The following DST variants were observed in gnomAD, a reference collection of about 807,000 sequenced individuals.
The protein encoded by DST is bullous pemphigoid antigen.
In DST, 253 loss-of-function variants were observed where a neutral mutation model predicts 875.2. The observed-to-expected ratio is 0.29, with a 90% CI of 0.26 to 0.32. The LOEUF is 0.32. Ranked by LOEUF, DST falls within the 10% of genes least tolerant of loss-of-function variation. DST has a pLI of 1.00. For missense variants in DST, 8,287 were observed against 9,111.6 expected (o/e 0.91, Z 3.68); for synonymous variants, 3,124 against 3,197.1 (o/e 0.98, Z 0.77).
At chr6:56,655,786 G>A (rs1272954543) in intron 10 of DST, among the ~76,000 whole-genome samples, 3 of 152,076 alleles carry the variant, frequency 2.0e-5, no homozygotes, top group Non-Finnish European at 4.4e-5. Flanking sequence ...CAGCAGACTC[G>A]GTTCCACCAC....
At chr6:56,706,510 T>C (rs1441229317) in intron 5 of DST, among the ~76,000 whole-genome samples, 2 of 152,196 alleles carry the variant, frequency 1.3e-5, no homozygotes, top group Non-Finnish European at 2.9e-5. Flanking sequence ...ATGCATGATA[T>C]GTACGCGAAC....
chr6:56,865,759 T>C (rs1773704706), intron 3 of DST, among the ~76,000 whole-genome samples: 1 of 152,250 alleles, frequency 6.6e-6, no homozygotes, highest in Non-Finnish European at 1.5e-5. Context: ...AGGTAGAATA[T>C]AATCTTTGAT....
intron 4 of DST, among the ~76,000 whole-genome samples, chr6:56,787,528 G>A (rs1347289745): frequency 6.6e-6 from 1 of 152,158 alleles, no homozygotes; most frequent in Non-Finnish European, 1.5e-5. Flanking sequence ...AAGACAGGCT[G>A]CAATTCTCAC....
chr6:56,678,597 C>T (rs2099141964), intron 9 of DST, among the ~76,000 whole-genome samples: 1 of 151,950 alleles, frequency 6.6e-6, no homozygotes, highest in South Asian at 2.1e-4. Flanking sequence ...CTGTGGGAGA[C>T]CAGAAGATGC....
chr6:56,927,968 G>C (rs771026411), intron 2 of DST, among the ~76,000 whole-genome samples: 1 of 152,120 alleles, frequency 6.6e-6, no homozygotes, highest in Non-Finnish European at 1.5e-5. Flanking sequence ...GAGCTCAAAG[G>C]AAGGGCCCCA....
chr6:56,825,360 G>C (rs1452057754), intron 4 of DST, among the ~76,000 whole-genome samples: 1 of 149,310 alleles, frequency 6.7e-6, no homozygotes, highest in Non-Finnish European at 1.5e-5. Flanking sequence ...CACAAACACT[G>C]CAGAAGGCCG....
At chr6:56,810,263 C>T (rs1017645755) in intron 4 of DST, among the ~76,000 whole-genome samples, 2 of 152,134 alleles carry the variant, frequency 1.3e-5, no homozygotes, top group Non-Finnish European at 2.9e-5. Context: ...TGAGCTATGA[C>T]TGTGCCACTG....
In DST at chr6:56,477,476, T is replaced by C; in HGVS notation, c.21544A>G (p.Lys7182Glu). 1 of 1,613,996 alleles carries C rather than the reference T, an allele frequency of 6.2e-7. No individual in the cohort carries two copies. The highest frequency in any genetic ancestry group is 8.5e-7 in the Non-Finnish European group (1 of 1,179,872). The change falls in exon 91 of 104, where the codon AAA (lysine) becomes GAA (glutamate). Residue 7182 changes from lysine (K) to glutamate (E), a missense_variant. Coordinates refer to ENST00000680361, the MANE Select transcript of DST (RefSeq NM_001374736.1). ...LIDQHKEFMK[K>E]LEEKRAELNK... is the part of the protein sequence containing the mutation. ...AGTTCAGCTCTCTTTTCTTCCAGTT[T>C]CTTCATGAATTCCTACAGCAGAAAC...
At chr6:56,671,293 C>T (rs1051142929) in intron 9 of DST, among the ~76,000 whole-genome samples, 1 of 152,132 alleles carries the variant, frequency 6.6e-6, no homozygotes, top group Non-Finnish European at 1.5e-5. Flanking sequence ...GAGGTGTTTT[C>T]CAAGTTCAAG....
At chr6:56,501,377 A>G (rs2096117486) in intron 79 of DST, 142 bp from the exon 80 acceptor site, 9 of 1,128,310 alleles carry the variant, frequency 8.0e-6, no homozygotes, top group Non-Finnish European at 1.1e-5. Context: ...ATATCCTTCT[A>G]TGTTTTAAGT....
At chr6:56,618,912 G>C in intron 36 of DST, 1 of 1,614,108 alleles carries the variant, frequency 6.2e-7, no homozygotes, top group Non-Finnish European at 8.5e-7. Context: ...TCTTGCACCT[G>C]AGCTTGTTGT....
intron 69 of DST, among the ~76,000 whole-genome samples, chr6:56,525,904 T>C (rs1416632751): frequency 6.6e-6 from 1 of 152,142 alleles, no homozygotes; most frequent in African/African-American, 2.4e-5. Context: ...AACTTCACAT[T>C]ACCAACAAAA....
At position 56,532,453 on chromosome 6, in the gene DST, C is replaced by T. The variant is rs764831259; in HGVS notation, c.16999G>A (p.Gly5667Arg). Residue 5667 changes from glycine (G) to arginine (R), a missense_variant, in exon 64 of 104, where the codon GGA (glycine) becomes AGA (arginine). This residue lies in a region of DST where 777 missense variants were observed against 764.8 expected (regional missense o/e 1.02). Transcript: ENST00000680361. ...KSTVEVIKRE[G>R]EKIATTAEPA... Reference sequence around the variant, plus strand: ...TCTGCTGTTGTAGCAATTTTTTCTCCTTCTCGTTTGATTACCTCCACCGTA... The same window carrying T: ...TCTGCTGTTGTAGCAATTTTTTCTCTTTCTCGTTTGATTACCTCCACCGTA... 1.2e-6 allele frequency: 2 copies of T among 1,611,736 alleles called. No individual in the cohort carries two copies. Among genetic ancestry groups the T allele is most frequent in the African/African-American group, 1.3e-5 (1 of 75,004 alleles).
chr6:56,476,845 G>A (rs541775208), intron 91 of DST, among the ~76,000 whole-genome samples: 4 of 152,124 alleles, frequency 2.6e-5, no homozygotes, highest in South Asian at 2.1e-4. Context: ...CCAGCTACTC[G>A]GGAGGCTGAG....
intron 4 of DST, among the ~76,000 whole-genome samples, chr6:56,787,948 G>A (rs927203613): frequency 1.3e-5 from 2 of 151,262 alleles, no homozygotes; most frequent in South Asian, 2.1e-4. Flanking sequence ...AGACCAGCCT[G>A]GCCTCTACTA....
chr6:56,497,719 GTTCT>G (rs1168011004), intron 81 of DST, 133 bp downstream of exon 81: 58 of 975,092 alleles, frequency 5.9e-5, no homozygotes, highest in East Asian at 1.6e-4. Flanking sequence ...CTGCTGTTCT[GTTCT>G]TTATTTCACT....
At chr6:56,900,839 A>G (rs145424695) in intron 2 of DST, among the ~76,000 whole-genome samples, 119 of 151,524 alleles carry the variant, frequency 7.9e-4, no homozygotes, top group African/African-American at 2.8e-3. Context: ...GAGTTATTCT[A>G]CATTAAGAAG....
At chr6:56,564,783 G>A (rs878876088) in intron 55 of DST, among the ~76,000 whole-genome samples, 1 of 152,068 alleles carries the variant, frequency 6.6e-6, no homozygotes, top group Admixed American at 6.6e-5. Flanking sequence ...TAGCATGGAG[G>A]GTTGAATGTT....
chr6:56,472,340 T>C (rs1479146803), intron 93 of DST, 118 bp from the exon 94 acceptor site: 7 of 855,144 alleles, frequency 8.2e-6, no homozygotes, highest in South Asian at 3.7e-5. Context: ...TTTACGCAAG[T>C]AAAAGTATCC....
Sources: gnomAD v4.1 joint callset for allele counts (sites outside exome capture counted in the v4.1 genomes callset) on GRCh38, gnomAD v4.1.1 for gene constraint, gnomAD v4.1.1 regional missense constraint, MANE v1.5 for transcripts, NCBI Gene and HGNC (gene_info 2026-07-23, HGNC 2026-07-21) for gene names.